Variants in CSMD3 observed in about 807,000 individuals in gnomAD.
CSMD3 encodes CUB and Sushi multiple domains 3, also known as CUB and sushi domain-containing protein 3.
CSMD3 carries 177 observed loss-of-function variants against 435.2 expected under a neutral mutation model. The ratio of observed to expected loss-of-function variants is 0.41; its 90% confidence interval spans 0.36 to 0.46. The LOEUF is 0.46. CSMD3 is among the 20% of genes least tolerant of loss of function. The pLI, the probability that CSMD3 is intolerant of heterozygous loss-of-function variation, is 0.34. For missense variants in CSMD3, 4,265 were observed against 4,504.6 expected, an observed-to-expected ratio of 0.95 and a Z score of 1.52; for synonymous variants, 1,656 against 1,520.5, an observed-to-expected ratio of 1.09 and a Z score of -2.07.
intron 9 of CSMD3, among the ~76,000 whole-genome samples, chr8:112,931,050 A>C (rs1211333973): frequency 6.6e-6 from 1 of 152,106 alleles, no homozygotes; most frequent in Admixed American, 6.5e-5. Flanking sequence ...TGAGTAGAAT[A>C]AATTAGGTTA....
At chr8:112,477,525 C>T (rs1819177494) in intron 31 of CSMD3, among the ~76,000 whole-genome samples, 1 of 152,020 alleles carries the variant, frequency 6.6e-6, no homozygotes, top group Admixed American at 6.5e-5. Flanking sequence ...GGGGACAGAT[C>T]CCTCATGAAT....
intron 68 of CSMD3, 47 bp from the exon 69 acceptor site, chr8:112,231,679 T>A (rs376506297): frequency 1.9e-6 from 2 of 1,067,978 alleles, no homozygotes; most frequent in Admixed American, 1.7e-5. Flanking sequence ...TGGCCATAGC[T>A]ATATTTTCCC....
chr8:113,355,770 G>GTTGT (rs1554618984), intron 1 of CSMD3, among the ~76,000 whole-genome samples: 1 of 10,374 alleles, frequency 9.6e-5, no homozygotes, highest in Non-Finnish European at 2.0e-4. Context: ...ACACACACGG[G>GTTGT]GTGTGTGTGT....
intron 4 of CSMD3, among the ~76,000 whole-genome samples, chr8:113,129,901 T>A (rs1000240312): frequency 2.0e-5 from 3 of 152,048 alleles, no homozygotes; most frequent in Non-Finnish European, 4.4e-5. Context: ...GCCAGTAATT[T>A]TATAATAATT....
chr8:112,500,582 G>T (rs1299060109), intron 30 of CSMD3, among the ~76,000 whole-genome samples: 1 of 152,170 alleles, frequency 6.6e-6, no homozygotes, highest in Non-Finnish European at 1.5e-5. Context: ...AGCCCAATCA[G>T]ATGGTACTAA....
chr8:112,457,150 G>A (rs1192808239), intron 32 of CSMD3, among the ~76,000 whole-genome samples: 1 of 152,060 alleles, frequency 6.6e-6, no homozygotes, highest in African/African-American at 2.4e-5. Flanking sequence ...AGAAGTAACA[G>A]AAGAGAAGAC....
intron 10 of CSMD3, among the ~76,000 whole-genome samples, chr8:112,912,992 G>T (rs1470002547): frequency 2.6e-5 from 4 of 151,936 alleles, no homozygotes; most frequent in East Asian, 3.9e-4. Flanking sequence ...AAACATAATG[G>T]TCCCTAATAT....
intron 3 of CSMD3, among the ~76,000 whole-genome samples, chr8:113,230,757 G>T (rs988651207): frequency 6.0e-5 from 9 of 151,164 alleles, no homozygotes; most frequent in African/African-American, 2.2e-4. Context: ...TCCCATGTTG[G>T]TTTTTTATGT....
intron 4 of CSMD3, among the ~76,000 whole-genome samples, chr8:113,154,713 A>G (rs2091898430): frequency 6.6e-6 from 1 of 152,046 alleles, no homozygotes; most frequent in Non-Finnish European, 1.5e-5. Context: ...CTGAAACAAC[A>G]ATAGCTACTT....
At chr8:113,055,245 C>T (rs1024363646) in intron 5 of CSMD3, among the ~76,000 whole-genome samples, 10 of 152,152 alleles carry the variant, frequency 6.6e-5, no homozygotes, top group Non-Finnish European at 1.0e-4. Context: ...CCACCTCCTG[C>T]GTTCAAGCAA....
intron 32 of CSMD3, among the ~76,000 whole-genome samples, chr8:112,421,180 T>TC (rs1470511838): frequency 1.3e-5 from 2 of 151,942 alleles, no homozygotes; most frequent in Non-Finnish European, 2.9e-5. Context: ...TGCACATTTT[T>TC]TTTTTAACAG....
chr8:113,202,395 C>A (rs2132035759), intron 3 of CSMD3, among the ~76,000 whole-genome samples: 1 of 152,172 alleles, frequency 6.6e-6, no homozygotes. Flanking sequence ...CTTTTAAAAA[C>A]TGAATGAGGT....
chr8:112,747,772 G>A (rs2077468128), intron 13 of CSMD3, among the ~76,000 whole-genome samples: 1 of 151,892 alleles, frequency 6.6e-6, no homozygotes, highest in Non-Finnish European at 1.5e-5. Flanking sequence ...TCAGGAGATC[G>A]AGACCACGGT....
intron 38 of CSMD3, among the ~76,000 whole-genome samples, chr8:112,353,843 C>A (rs1037724170): frequency 6.6e-6 from 1 of 152,100 alleles, no homozygotes; most frequent in Non-Finnish European, 1.5e-5. Context: ...CTAACTCGTT[C>A]TACAAAGGCC....
At chr8:112,978,583 G>T (rs2084936954) in intron 6 of CSMD3, among the ~76,000 whole-genome samples, 1 of 151,922 alleles carries the variant, frequency 6.6e-6, no homozygotes. Flanking sequence ...CCCACCAACG[G>T]TGATGAAGAT....
At chr8:113,148,710 C>G (rs778014665) in intron 4 of CSMD3, among the ~76,000 whole-genome samples, 1 of 151,584 alleles carries the variant, frequency 6.6e-6, no homozygotes, top group Non-Finnish European at 1.5e-5. Context: ...ACCTGTAAAA[C>G]AAAACCTGTA....
intron 16 of CSMD3, 139 bp from the exon 17 acceptor site, chr8:112,666,554 C>A: frequency 1.4e-6 from 1 of 721,682 alleles, no homozygotes; most frequent in African/African-American, 1.8e-5. Context: ...AGCAATGGTA[C>A]ATCTAGTCAA....
intron 32 of CSMD3, among the ~76,000 whole-genome samples, chr8:112,434,366 T>C (rs1264264523): frequency 6.6e-6 from 1 of 152,176 alleles, no homozygotes; most frequent in Non-Finnish European, 1.5e-5. Context: ...GTTTGATTTA[T>C]AAATGGAAAT....
At position 113,294,442 on chromosome 8, in the gene CSMD3, T is replaced by C. The variant is rs2093705507; in HGVS notation, c.402-15738A>G. Reference sequence around the variant, plus strand: ...AAGAAAACAAAGGCCTATGAGAATATAAATTTCTCGTTAAAGGCCACATTG... The same window carrying C: ...AAGAAAACAAAGGCCTATGAGAATACAAATTTCTCGTTAAAGGCCACATTG... On this transcript the variant is annotated intron_variant, in intron 2 of 70. Transcript: ENST00000297405. Among the ~76,000 whole-genome samples, 3 of 152,126 alleles carry C rather than the reference T, an allele frequency of 2.0e-5. No homozygotes were observed. In the South Asian group the frequency reaches 6.2e-4, roughly 32 times the overall value.
Sources: allele counts gnomAD v4.1 joint callset (sites outside exome capture counted in the v4.1 genomes callset), GRCh38; gene constraint gnomAD v4.1.1; transcripts MANE v1.5; gene names NCBI Gene and HGNC (gene_info 2026-07-23, HGNC 2026-07-21).